Variants in ZNF77 observed in about 807,000 individuals in gnomAD.
ZNF77 encodes the protein zinc finger protein 77.
Under a neutral mutation model 13.5 loss-of-function variants are expected in ZNF77, and 15 were observed. That is an observed-to-expected ratio of 1.11 (90% CI 0.74 to 1.71). The LOEUF (loss-of-function observed/expected upper bound fraction) is 1.71, where lower values mean the gene tolerates loss of function less well. Among genes scored for constraint, ZNF77 ranks in the 40% most tolerant of loss-of-function variants. The pLI is 0.00. For missense variants in ZNF77, 717 were observed against 676.4 expected (o/e 1.06, Z -0.67); for synonymous variants, 282 against 250.0 (o/e 1.13, Z -1.21).
chr19:2,944,492 G>A (rs1037775580), intron 1 of ZNF77, among the ~76,000 whole-genome samples: 6 of 149,532 alleles, frequency 4.0e-5, no homozygotes, highest in African/African-American at 1.5e-4. Flanking sequence ...GCCCCTGACC[G>A]TGTCTGTTCC....
intron 2 of ZNF77, among the ~76,000 whole-genome samples, chr19:2,938,288 T>C (rs905660132): frequency 6.6e-6 from 1 of 152,134 alleles, no homozygotes; most frequent in African/African-American, 2.4e-5. Context: ...GGCCAACACT[T>C]TGACTTCCCA....
At chr19:2,938,284 C>A (rs1429356181) in intron 2 of ZNF77, among the ~76,000 whole-genome samples, 1 of 152,288 alleles carries the variant, frequency 6.6e-6, no homozygotes, top group Non-Finnish European at 1.5e-5. Flanking sequence ...GACAGGCCAA[C>A]ACTTTGACTT....
chr19:2,941,456 GAC>G (rs1460018485), intron 1 of ZNF77, among the ~76,000 whole-genome samples: 17 of 151,934 alleles, frequency 1.1e-4, no homozygotes, highest in African/African-American at 4.1e-4. Context: ...TAGCCTGGGT[GAC>G]AGAGTGAGAC....
Position 2,934,747 on chromosome 19 carries a change from G to T in ZNF77, c.380C>A (p.Ala127Glu). 1 of 1,614,110 alleles carries T rather than the reference G, an allele frequency of 6.2e-7. No individual in the cohort carries two copies. The highest frequency in any genetic ancestry group is 8.5e-7 in the Non-Finnish European group (1 of 1,179,992). ...HQCGETLSQT[A>E]NLLVHKSYPT... Reference sequence around the variant, plus strand: ...GTAACTCTTGTGCACAAGAAGGTTCGCAGTCTGGCTCAAGGTCTCTCCGCA... The same window carrying T: ...GTAACTCTTGTGCACAAGAAGGTTCTCAGTCTGGCTCAAGGTCTCTCCGCA... The change falls in exon 4 of 4, where the codon GCG becomes GAG. Residue 127 changes from alanine to glutamate, a missense_variant. Ala to Glu is a moderately radical substitution (Grantham distance 107). Transcript: ENST00000314531.
rs1265056439 is a variant in ZNF77 at position 2,934,440 on chromosome 19, T to C, written c.687A>G (p.Gly229=). The part of the protein sequence containing the change: ...KAFICPSSFR[G]HVNSHHGQKT... ...TCTGCCCATGATGACTATTCACATG[T>C]CCCCTGAAAGATGAGGGACAAATGA... is the stretch of plus-strand genomic sequence containing the variant. The change falls in exon 4 of 4, where the codon GGA becomes GGG. Residue 229 remains glycine (G), a synonymous_variant. Coordinates refer to ENST00000314531, the MANE Select transcript of ZNF77 (RefSeq NM_021217.3). The C allele has an allele frequency of 6.2e-7, 1 of 1,614,204 alleles. No individual in the cohort carries two copies. Among genetic ancestry groups the C allele is most frequent in the Admixed American group, 1.7e-5 (1 of 60,016 alleles).
At chr19:2,937,667 A>C (rs1258454710) in intron 2 of ZNF77, among the ~76,000 whole-genome samples, 1 of 152,168 alleles carries the variant, frequency 6.6e-6, no homozygotes, top group Non-Finnish European at 1.5e-5. Context: ...GAAGGAGGAC[A>C]GTGCAGGGGG....
intron 1 of ZNF77, among the ~76,000 whole-genome samples, chr19:2,944,371 C>T (rs1241819796): frequency 6.8e-6 from 1 of 146,632 alleles, no homozygotes; most frequent in Non-Finnish European, 1.5e-5. Flanking sequence ...AAACCCATGA[C>T]CGCCTCTACG....
rs4807371 is a variant in ZNF77, at chr19:2,936,625, C to T, written c.210G>A (p.Glu70=). ...VFGNGISNDE[E]IVKFTGSDSW... ...AATCACTTCCTGTGAACTTTACAAT[C>T]TCTTCATCATTGGATATTCCATTCC... Residue 70 remains glutamate (E), a synonymous_variant, in exon 3 of 4, where the codon GAG becomes GAA. Coordinates refer to ENST00000314531, the MANE Select transcript of ZNF77 (RefSeq NM_021217.3). 1,494,294 of 1,611,180 alleles carry T rather than the reference C, an allele frequency of 0.93. 697,101 individuals carry two copies. The highest frequency in any genetic ancestry group is 0.96 in the Middle Eastern group (5,818 of 6,060).
At chr19:2,939,512 T>G in intron 1 of ZNF77, 105 bp from the exon 2 acceptor site, 1 of 1,524,076 alleles carries the variant, frequency 6.6e-7, no homozygotes, top group Non-Finnish European at 8.9e-7. Flanking sequence ...ACACAGAGCT[T>G]ATGTCCTTGT....
At chr19:2,944,698 C>T in intron 1 of ZNF77, 140 bp downstream of exon 1, 1 of 1,263,044 alleles carries the variant, frequency 7.9e-7, no homozygotes, top group Non-Finnish European at 1.0e-6. Context: ...CCGCTGTGAC[C>T]ACGTCCCCGG....
Position 2,944,956 on chromosome 19 carries a change from GAGGGGAACTCGGCTT to G in ZNF77, c.-131_-117del. The G allele has an allele frequency of 7.4e-7, 1 of 1,346,108 alleles. No individual in the cohort carries two copies. The highest frequency in any genetic ancestry group is 9.8e-7 in the Non-Finnish European group (1 of 1,019,362). 83.4% of individuals were successfully genotyped at this position (1,346,108 alleles called of 1,614,324 possible). A position where few individuals can be genotyped will look rare whatever the true frequency, so the allele number is the denominator to read the frequency against. On this transcript the variant is annotated 5_prime_UTR_variant, in exon 1 of 4. Coordinates refer to ENST00000314531, the MANE Select transcript of ZNF77 (RefSeq NM_021217.3). ...GGTAGGCGGGGAAGCGCGCAAGGCA[GAGGGGAACTCGGCTT>G]ACCGTCCTCGGGGTCTGATTGGACA...
At chr19:2,940,360 C>CA (rs2088438051) in intron 1 of ZNF77, among the ~76,000 whole-genome samples, 1 of 149,206 alleles carries the variant, frequency 6.7e-6, no homozygotes, top group South Asian at 2.1e-4. Flanking sequence ...CCTGTCTCTA[C>CA]CAAAAAAAAA....
Position 2,934,184 on chromosome 19 carries a change from C to A in ZNF77, c.943G>T (p.Val315Leu). ...GGTTTCTCTCCAGTGTGCGTCCTCACGTGATCTCTAAAGGAGGAGTAACAG... is the reference window on the plus strand; with the variant it reads ...GGTTTCTCTCCAGTGTGCGTCCTCAAGTGATCTCTAAAGGAGGAGTAACAG... ...FSCYSSFRDH[V>L]RTHTGEKPCQ... The change falls in exon 4 of 4, where the codon GTG becomes TTG. Residue 315 changes from valine to leucine, a missense_variant. Physicochemically the swap from Val to Leu is conservative, Grantham distance 32. Transcript: ENST00000314531. 2 of 1,614,176 alleles carry A rather than the reference C, an allele frequency of 1.2e-6. No individual in the cohort carries two copies. The highest frequency in any genetic ancestry group is 1.7e-5 in the Admixed American group (1 of 60,010).
intron 2 of ZNF77, among the ~76,000 whole-genome samples, chr19:2,937,415 G>A (rs2088407375): frequency 6.6e-6 from 1 of 151,946 alleles, no homozygotes; most frequent in South Asian, 2.1e-4. Context: ...TACCTGGGAG[G>A]TGGGGGTTGC....
At chr19:2,939,428 C>G (rs372997771) in intron 1 of ZNF77, 21 bp from the exon 2 acceptor site, 1 of 1,612,470 alleles carries the variant, frequency 6.2e-7, no homozygotes, top group Non-Finnish European at 8.5e-7. Context: ...CCACACATCC[C>G]ACTTCAGCAA....
At position 2,941,118 on chromosome 19, in the gene ZNF77, T is replaced by G. The variant is rs193263732; in HGVS notation, c.4-1711A>C. Among the ~76,000 whole-genome samples, 949 of 141,000 alleles carry G rather than the reference T, an allele frequency of 6.7e-3. 7 individuals carry two copies. The highest frequency in any genetic ancestry group is 0.012 in the South Asian group (53 of 4,438). 92.5% of individuals were successfully genotyped at this position (141,000 alleles called of 152,430 possible). On this transcript the variant is annotated intron_variant, in intron 1 of 3. Transcript: ENST00000314531. ...TGAGCCCAGGAGGTTGAGGCTGTAG[T>G]GAGCCACGATGTCACCACTGCACTC...
chr19:2,944,837 C>T lies in ZNF77; in HGVS notation c.3+1G>A. On this transcript the variant is annotated splice_donor_variant, in intron 1 of 3. Transcript: ENST00000314531. LOFTEE classifies it high-confidence loss of function. ...GGGCTCGGCTCCCGCCCGGCACTCA[C>T]CATGTCCCGCCCGCTCCTGGGCTCT... The T allele has an allele frequency of 6.6e-7, 1 of 1,526,058 alleles. No homozygotes were observed. Among genetic ancestry groups the T allele is most frequent in the Non-Finnish European group, 8.7e-7 (1 of 1,143,010 alleles). The allele number at this position is 1,526,058 out of a possible 1,614,324, so 94.5% of individuals were successfully genotyped here. A position where few individuals can be genotyped will look rare whatever the true frequency, so the allele number is the denominator to read the frequency against.
intron 2 of ZNF77, among the ~76,000 whole-genome samples, chr19:2,938,775 TG>T (rs1275223862): frequency 6.6e-6 from 1 of 151,814 alleles, no homozygotes; most frequent in African/African-American, 2.4e-5. Context: ...GCTAACACGG[TG>T]AAACCCCATC....
In ZNF77 at chr19:2,934,236, T is replaced by C. The variant is rs2088373586; in HGVS notation, c.891A>G (p.Glu297=). 2 of 1,613,812 alleles carry C rather than the reference T, an allele frequency of 1.2e-6. No individual in the cohort carries two copies. Among genetic ancestry groups the C allele is most frequent in the African/African-American group, 2.7e-5 (2 of 74,826 alleles). Residue 297 remains glutamate (E), a synonymous_variant, in exon 4 of 4, where the codon GAA becomes GAG. Transcript: ENST00000314531. ...TGAATGATTTTCCACAATGCTTACA[T>C]TCATACGGTTTCTCTCCAGTGTGTG... ...VRTHTGEKPY[E]CKHCGKSFSC...
Sources: allele counts gnomAD v4.1 joint callset (sites outside exome capture counted in the v4.1 genomes callset), GRCh38; gene constraint gnomAD v4.1.1; transcripts MANE v1.5; gene names NCBI Gene and HGNC (gene_info 2026-07-23, HGNC 2026-07-21).